Variants in C20orf203 observed in about 807,000 individuals in gnomAD.
C20orf203 encodes the protein uncharacterized protein C20orf203.
C20orf203 carries 16 observed loss-of-function variants against 15.9 expected under a neutral mutation model. That is an observed-to-expected ratio of 1.01 (90% CI 0.68 to 1.53). The LOEUF (loss-of-function observed/expected upper bound fraction) is 1.53, where lower values mean the gene tolerates loss of function less well. C20orf203 is among the 40% of genes most tolerant of loss of function. The pLI is 0.00. For missense variants in C20orf203, 263 were observed against 247.5 expected (o/e 1.06, Z -0.42); for synonymous variants, 98 against 97.2 (o/e 1.01, Z -0.05).
At chr20:32,657,267 A>T (rs1007351658) in intron 1 of C20orf203, 4 of 152,220 alleles carry the variant, frequency 2.6e-5, no homozygotes, top group Admixed American at 6.6e-5. Context: ...AGGCGAGTGG[A>T]ACACTTGAGG....
chr20:32,637,922 TTGTG>T (rs1024278658), intron 5 of C20orf203, among the ~76,000 whole-genome samples: 6 of 151,432 alleles, frequency 4.0e-5, no homozygotes, highest in Admixed American at 1.3e-4. Context: ...GTGCCTGTGT[TTGTG>T]TGTGTGCAGG....
intron 4 of C20orf203, among the ~76,000 whole-genome samples, chr20:32,646,127 G>A (rs984869036): frequency 1.1e-4 from 16 of 151,766 alleles, no homozygotes; most frequent in Non-Finnish European, 1.8e-4. Flanking sequence ...TTAAGGTAAG[G>A]GTCAGTATGA....
rs143240739 is a variant in C20orf203, at chr20:32,647,296, G to A, written c.*1177+1959C>T. The stretch of plus-strand genomic sequence containing the variant: ...TATAATCCCATCTACTGGGGAGGCT[G>A]TGGCAGGAGAACTGCTTGAACCTGG... On this transcript the variant is annotated intron_variant, in intron 4 of 5. Coordinates refer to ENST00000608990, the MANE Select transcript of C20orf203 (RefSeq NM_182584.4). Among the ~76,000 whole-genome samples the A allele has an allele frequency of 7.9e-5, 12 of 152,058 alleles. No individual in the cohort carries two copies. The East Asian group carries it at 2.1e-3, about 27-fold the overall frequency.
At chr20:32,672,705 G>A (rs913521867) in intron 1 of C20orf203, among the ~76,000 whole-genome samples, 1 of 151,950 alleles carries the variant, frequency 6.6e-6, no homozygotes, top group African/African-American at 2.4e-5. Context: ...ACCACACCAG[G>A]CCTTTTTGTT....
chr20:32,669,919 C>T (rs1180889669), intron 1 of C20orf203, among the ~76,000 whole-genome samples: 2 of 152,156 alleles, frequency 1.3e-5, no homozygotes, highest in Non-Finnish European at 2.9e-5. Context: ...AGTTAATATC[C>T]GGCCGGGCAC....
At chr20:32,652,441 T>C (rs1454995659) in intron 1 of C20orf203, among the ~76,000 whole-genome samples, 1 of 150,788 alleles carries the variant, frequency 6.6e-6, no homozygotes. Flanking sequence ...TGCTGCTGTG[T>C]CTTGGAGCTC....
intron 1 of C20orf203, among the ~76,000 whole-genome samples, chr20:32,663,617 T>C (rs1329572530): frequency 6.6e-6 from 1 of 152,246 alleles, no homozygotes; most frequent in African/African-American, 2.4e-5. Flanking sequence ...AGTTTCCAAA[T>C]TTTACAATGA....
Position 32,650,775 on chromosome 20 carries a change from T to C in C20orf203, c.242A>G (p.Gln81Arg). The C allele has an allele frequency of 6.6e-7, 1 of 1,514,594 alleles. No homozygotes were observed. The highest frequency in any genetic ancestry group is 8.9e-7 in the Non-Finnish European group (1 of 1,128,504). The allele number at this position is 1,514,594 out of a possible 1,614,324, so 93.8% of individuals were successfully genotyped here. Residue 81 changes from glutamine to arginine, a missense_variant, in exon 4 of 6, where the codon CAG (glutamine) becomes CGG (arginine). Physicochemically the swap from Gln to Arg is conservative, Grantham distance 43 (BLOSUM62 1). Coordinates refer to ENST00000608990, the MANE Select transcript of C20orf203 (RefSeq NM_182584.4). ...GTGTTGCGGAGGAGGAGGCTGGCGC[T>C]GGTGGCTGGGCTGGGGGTGGACTCG... ...AQRVHPQPSH[Q>R]RQPPPPQHPG...
chr20:32,661,996 T>C (rs1189881007), intron 1 of C20orf203, among the ~76,000 whole-genome samples: 1 of 152,154 alleles, frequency 6.6e-6, no homozygotes, highest in Non-Finnish European at 1.5e-5. Context: ...CAAAAGGACT[T>C]GCCCAAGAGC....
At chr20:32,653,090 C>CT (rs983350129) in intron 1 of C20orf203, among the ~76,000 whole-genome samples, 4 of 152,172 alleles carry the variant, frequency 2.6e-5, no homozygotes, top group African/African-American at 9.7e-5. Context: ...AAATGATGGT[C>CT]TGGGGCGCCC....
At chr20:32,640,031 A>G (rs992413681) in intron 5 of C20orf203, among the ~76,000 whole-genome samples, 1 of 152,128 alleles carries the variant, frequency 6.6e-6, no homozygotes, top group African/African-American at 2.4e-5. Flanking sequence ...AAATGGAGAG[A>G]CTGAGGCTCC....
intron 1 of C20orf203, among the ~76,000 whole-genome samples, chr20:32,658,613 T>C (rs1982817263): frequency 6.6e-6 from 1 of 152,168 alleles, no homozygotes; most frequent in African/African-American, 2.4e-5. Context: ...TTAATTTATA[T>C]TTTACTGAAT....
In C20orf203 at chr20:32,666,293, C is replaced by T. The variant is rs372556361; in HGVS notation, c.-264+7339G>A. On this transcript the variant is annotated intron_variant, in intron 1 of 5. Coordinates refer to ENST00000608990, the MANE Select transcript of C20orf203 (RefSeq NM_182584.4). Reference sequence around the variant, plus strand: ...ACCACCCTGGGCAATGTGGCAAAACCCCATCTCTACAAAAAATACAAAAAT... The same window carrying T: ...ACCACCCTGGGCAATGTGGCAAAACTCCATCTCTACAAAAAATACAAAAAT... Among the ~76,000 whole-genome samples, 32 of 151,664 alleles carry T rather than the reference C, an allele frequency of 2.1e-4. No homozygotes were observed. In the East Asian group the frequency reaches 6.0e-3, roughly 28 times the overall value.
intron 4 of C20orf203, among the ~76,000 whole-genome samples, chr20:32,641,169 CA>C (rs1453936891): frequency 6.6e-6 from 1 of 151,692 alleles, no homozygotes; most frequent in Non-Finnish European, 1.5e-5. Context: ...ATACAAAATA[CA>C]AAATATTATC....
intron 4 of C20orf203, among the ~76,000 whole-genome samples, chr20:32,647,766 T>A (rs1380620456): frequency 6.6e-6 from 1 of 151,788 alleles, no homozygotes; most frequent in African/African-American, 2.4e-5. Context: ...CCACCCGGAG[T>A]TGAAAGGGTG....
At chr20:32,639,171 C>T (rs1281363230) in intron 5 of C20orf203, among the ~76,000 whole-genome samples, 1 of 152,244 alleles carries the variant, frequency 6.6e-6, no homozygotes, top group African/African-American at 2.4e-5. Context: ...AGACACCACC[C>T]ACAGTGTTCC....
At chr20:32,644,827 G>A (rs1386833497) in intron 4 of C20orf203, among the ~76,000 whole-genome samples, 1 of 152,044 alleles carries the variant, frequency 6.6e-6, no homozygotes, top group Non-Finnish European at 1.5e-5. Flanking sequence ...CACCAGTGAT[G>A]TGTCATGCAT....
chr20:32,642,402 G>A (rs1211263731), intron 4 of C20orf203, among the ~76,000 whole-genome samples: 1 of 152,182 alleles, frequency 6.6e-6, no homozygotes, highest in Non-Finnish European at 1.5e-5. Context: ...CTCTAGGAAC[G>A]AGTAAGCCAA....
At chr20:32,654,842 C>T (rs999119503) in intron 1 of C20orf203, among the ~76,000 whole-genome samples, 4 of 151,550 alleles carry the variant, frequency 2.6e-5, no homozygotes, top group African/African-American at 9.7e-5. Context: ...AGATCCTTCC[C>T]CAAAAAAAGA....
Sources: gnomAD v4.1 joint callset for allele counts (sites outside exome capture counted in the v4.1 genomes callset) on GRCh38, gnomAD v4.1.1 for gene constraint, MANE v1.5 for transcripts, NCBI Gene and HGNC (gene_info 2026-07-23, HGNC 2026-07-21) for gene names.